Variants in PAM observed in about 807,000 individuals in gnomAD.
The protein encoded by PAM is peptidylglycine alpha-amidating monooxygenase.
In PAM, 72 loss-of-function variants were observed where a neutral mutation model predicts 122.1. The observed-to-expected ratio is 0.59, with a 90% CI of 0.49 to 0.72. The LOEUF (loss-of-function observed/expected upper bound fraction) is 0.72. PAM is among the 30% of genes least tolerant of loss of function. PAM has a pLI of 0.00. For missense variants in PAM, 1,106 were observed against 1,183.7 expected, an observed-to-expected ratio of 0.93 and a Z score of 0.96; for synonymous variants, 389 against 404.4, an observed-to-expected ratio of 0.96 and a Z score of 0.46.
intron 1 of PAM, among the ~76,000 whole-genome samples, chr5:102,801,772 A>ATTTTTTTTGTT (rs1764760676): frequency 1.0e-5 from 1 of 99,000 alleles, no homozygotes; most frequent in Non-Finnish European, 1.9e-5. Flanking sequence ...GGGAAAAGGT[A>ATTTTTTTTGTT]TTTTTTTTTT....
rs74446911 is a variant in PAM at position 102,944,293 on chromosome 5, T to C, written c.527-2544T>C. ...AGAGAACAACCACTATGAAAAATCT[T>C]TTTAACAGGGATGTCTTGGGGTTCA... On this transcript the variant is annotated intron_variant, in intron 7 of 25. Coordinates refer to ENST00000438793, the MANE Select transcript of PAM (RefSeq NM_001177306.2). 5.6e-3 allele frequency among the ~76,000 whole-genome samples: 859 copies of C among 152,232 alleles called. 10 individuals are homozygous for C. Among genetic ancestry groups the C allele is most frequent in the African/African-American group, 0.019 (783 of 41,552 alleles).
rs542981151 is a variant in PAM at position 103,006,183 on chromosome 5, T to C, written c.1804-618T>C. On this transcript the variant is annotated intron_variant, in intron 18 of 25. Transcript: ENST00000438793. The stretch of plus-strand genomic sequence containing the variant: ...AATTCCTGGACTCATGCAATCCACC[T>C]ACCTCAGCCTTGCAAAGTGCTGTAA... Among the ~76,000 whole-genome samples, 7 of 152,318 alleles carry C rather than the reference T, an allele frequency of 4.6e-5. No individual in the cohort carries two copies. In the South Asian group the frequency reaches 6.2e-4, roughly 14 times the overall value.
chr5:102,760,271 G>C (rs200088353), intron 1 of PAM, among the ~76,000 whole-genome samples: 1 of 152,138 alleles, frequency 6.6e-6, no homozygotes, highest in East Asian at 1.9e-4. Context: ...ATCACATGGG[G>C]GGAACTGAGT....
At chr5:102,988,738 GAAGGAAGGA>G (rs1283246550) in intron 15 of PAM, among the ~76,000 whole-genome samples, 24 of 150,684 alleles carry the variant, frequency 1.6e-4, no homozygotes, top group African/African-American at 5.9e-4. Context: ...GGAAGGAAGG[GAAGGAAGGA>G]AAGATGATGC....
intron 4 of PAM, among the ~76,000 whole-genome samples, chr5:102,908,430 G>A (rs547333217): frequency 2.0e-5 from 3 of 151,828 alleles, no homozygotes; most frequent in African/African-American, 7.2e-5. Context: ...TTGTTCTTTT[G>A]GCTTAGGATT....
chr5:102,888,614 G>T (rs575602106), intron 3 of PAM, among the ~76,000 whole-genome samples: 3 of 151,704 alleles, frequency 2.0e-5, no homozygotes, highest in Admixed American at 6.6e-5. Flanking sequence ...GACTGTCCCT[G>T]CCTCCACCAC....
chr5:102,873,402 C>A, intron 3 of PAM: 1 of 152,236 alleles, frequency 6.6e-6, no homozygotes. Flanking sequence ...AAAATGGATC[C>A]AAGCTCTTCG....
At chr5:102,757,483 G>A (rs995348126) in intron 1 of PAM, among the ~76,000 whole-genome samples, 6 of 152,174 alleles carry the variant, frequency 3.9e-5, no homozygotes, top group African/African-American at 1.4e-4. Flanking sequence ...TGAATTCTGT[G>A]TTTTTAGAAT....
chr5:102,987,621 T>C (rs755688729), intron 15 of PAM: 1 of 436,134 alleles, frequency 2.3e-6, no homozygotes, highest in Non-Finnish European at 4.5e-6. Flanking sequence ...TATCAAAATA[T>C]CACATGTACC....
In PAM at chr5:103,007,507, T is replaced by C; in HGVS notation, c.2065T>C (p.Leu689=). 1 of 1,614,116 alleles carries C rather than the reference T, an allele frequency of 6.2e-7. No individual in the cohort carries two copies. The highest frequency in any genetic ancestry group is 8.5e-7 in the Non-Finnish European group (1 of 1,179,994). ...AGGCCAGTTCACTGTTCCTCACAGCTTGGCTCTTGTGCCTCTTTTGGGCCA... is the reference window on the plus strand; with the variant it reads ...AGGCCAGTTCACTGTTCCTCACAGCCTGGCTCTTGTGCCTCTTTTGGGCCA... The part of the protein sequence containing the change: ...LPGQFTVPHS[L]ALVPLLGQLC... Residue 689 remains leucine, a synonymous_variant, in exon 20 of 26, where the codon TTG becomes CTG. Transcript: ENST00000438793.
At chr5:102,797,433 C>T (rs1763661299) in intron 1 of PAM, among the ~76,000 whole-genome samples, 1 of 152,114 alleles carries the variant, frequency 6.6e-6, no homozygotes, top group South Asian at 2.1e-4. Context: ...TTAGAGAATA[C>T]CTTATGCAAA....
intron 1 of PAM, among the ~76,000 whole-genome samples, chr5:102,837,953 A>AT (rs1309568261): frequency 6.6e-6 from 1 of 152,180 alleles, no homozygotes; most frequent in Non-Finnish European, 1.5e-5. Context: ...GATATTTATA[A>AT]TTTTTCACAG....
chr5:102,972,600 G>A (rs544562013), intron 14 of PAM, among the ~76,000 whole-genome samples: 22 of 152,084 alleles, frequency 1.4e-4, no homozygotes, highest in Non-Finnish European at 2.5e-4. Flanking sequence ...TTAAATAATG[G>A]TTTATCTCTC....
intron 16 of PAM, 89 bp downstream of exon 16, chr5:102,990,490 C>G: frequency 1.0e-6 from 1 of 957,814 alleles, no homozygotes; most frequent in African/African-American, 1.7e-5. Flanking sequence ...GGTGAGAGAA[C>G]TATAAAGGTT....
chr5:102,912,478 C>T (rs1581626369), intron 4 of PAM, among the ~76,000 whole-genome samples: 1 of 151,932 alleles, frequency 6.6e-6, no homozygotes, highest in South Asian at 2.1e-4. Flanking sequence ...TTCTTTCTGC[C>T]CCAGGAAAGA....
At chr5:102,939,741 A>G (rs1754480588) in intron 7 of PAM, among the ~76,000 whole-genome samples, 1 of 152,080 alleles carries the variant, frequency 6.6e-6, no homozygotes, top group East Asian at 1.9e-4. Flanking sequence ...GTATTCCCTA[A>G]TTAATACCAG....
chr5:102,799,769 C>T (rs1012430214), intron 1 of PAM, among the ~76,000 whole-genome samples: 2 of 152,200 alleles, frequency 1.3e-5, no homozygotes, highest in Non-Finnish European at 2.9e-5. Flanking sequence ...TACTATTTCA[C>T]AGGTTGGCAT....
In PAM at chr5:103,007,662, T is replaced by G. The variant is rs751049563; in HGVS notation, c.2215+5T>G. On this transcript the variant is annotated splice_donor_5th_base_variant and intron_variant, in intron 20 of 25. Coordinates refer to ENST00000438793, the MANE Select transcript of PAM (RefSeq NM_001177306.2). ...TTGCAATTTCATATATACCAGGTAT[T>G]TCATCTTAATATGTTTGTTGTCTTC... is the stretch of plus-strand genomic sequence containing the variant. 1 of 1,527,460 alleles carries G rather than the reference T, an allele frequency of 6.5e-7. No homozygotes were observed. The highest frequency in any genetic ancestry group is 9.1e-7 in the Non-Finnish European group (1 of 1,101,574). 94.6% of individuals were successfully genotyped at this position (1,527,460 alleles called of 1,614,324 possible).
chr5:102,795,189 CAAAAAAAAAAAAA>C (rs33988105), intron 1 of PAM, among the ~76,000 whole-genome samples: 1 of 59,682 alleles, frequency 1.7e-5, no homozygotes, highest in Non-Finnish European at 3.0e-5. Context: ...GACAATGTCT[CAAAAAAAAAAAAA>C]AAAAAAAAAA....
Sources: gnomAD v4.1 joint callset for allele counts (sites outside exome capture counted in the v4.1 genomes callset) on GRCh38, gnomAD v4.1.1 for gene constraint, MANE v1.5 for transcripts, NCBI Gene and HGNC (gene_info 2026-07-23, HGNC 2026-07-21) for gene names.